The following ACADL variants were observed in gnomAD, a reference collection of about 807,000 sequenced individuals.
The protein encoded by ACADL is acyl-CoA dehydrogenase long chain.
A neutral mutation model predicts 56.9 loss-of-function variants in ACADL; 60 were observed. The observed-to-expected ratio is 1.05, with a 90% confidence interval of 0.86 to 1.31. The LOEUF (loss-of-function observed/expected upper bound fraction) is 1.31, where lower values mean the gene tolerates loss of function less well. ACADL is among the 50% of genes most tolerant of loss of function. The pLI is 0.00. For synonymous variants in ACADL, 158 were observed against 179.7 expected, an observed-to-expected ratio of 0.88 and a Z score of 0.97; for missense variants, 484 against 525.5, an observed-to-expected ratio of 0.92 and a Z score of 0.77.
intron 4 of ACADL, among the ~76,000 whole-genome samples, chr2:210,214,513 G>GAAAGAA (rs1559639988): frequency 1.1e-4 from 17 of 147,940 alleles, no homozygotes; most frequent in South Asian, 8.7e-4. Flanking sequence ...GAAAGAAAAA[G>GAAAGAA]AAAGAAAGAA....
Position 210,212,289 on chromosome 2 carries a change from A to G in ACADL, c.537-2027T>C, listed in dbSNP as rs184521803. ...ATGTTGTGATAGAGAGACTATCATG[A>G]ATTATCTGGATGAGCCCTAAATGCA... On this transcript the variant is annotated intron_variant, in intron 4 of 10. Transcript: ENST00000233710. Among the ~76,000 whole-genome samples, 260 of 152,292 alleles carry G rather than the reference A, an allele frequency of 1.7e-3. 4 individuals are homozygous for G. Among genetic ancestry groups the G allele is most frequent in the East Asian group, 5.8e-4 (3 of 5,188 alleles).
At chr2:210,216,282 C>T in intron 4 of ACADL, 65 bp downstream of exon 4, 5 of 1,567,858 alleles carry the variant, frequency 3.2e-6, no homozygotes, top group Non-Finnish European at 4.4e-6. Context: ...ATGTATTAAC[C>T]AAGTACTAAG....
At chr2:210,222,392 C>A (rs1177757808) in intron 1 of ACADL, among the ~76,000 whole-genome samples, 1 of 151,208 alleles carries the variant, frequency 6.6e-6, no homozygotes, top group East Asian at 1.9e-4. Context: ...CTTGGTGGCT[C>A]ACACCTGTAA....
chr2:210,195,572 C>T (rs1688697536), intron 8 of ACADL, among the ~76,000 whole-genome samples: 1 of 152,130 alleles, frequency 6.6e-6, no homozygotes, highest in African/African-American at 2.4e-5. Flanking sequence ...TAGTTTAAAA[C>T]ATAAACAATG....
At chr2:210,209,388 T>C (rs1480590827) in intron 5 of ACADL, among the ~76,000 whole-genome samples, 1 of 152,196 alleles carries the variant, frequency 6.6e-6, no homozygotes, top group Non-Finnish European at 1.5e-5. Flanking sequence ...TTTGCCCTCA[T>C]TGATATCAGA....
Position 210,224,019 on chromosome 2 carries a change from A to C in ACADL, c.77+1168T>G, listed in dbSNP as rs569375834. Among the ~76,000 whole-genome samples, 5 of 152,094 alleles carry C rather than the reference A, an allele frequency of 3.3e-5. No homozygotes were observed. The East Asian group carries it at 5.8e-4, about 18-fold the overall frequency. ...GAGGCGGGCAGATCACGAGGTCAGG[A>C]GTTTGAGCCCAGCCTGGTCAATATG... On this transcript the variant is annotated intron_variant, in intron 1 of 10. Coordinates refer to ENST00000233710, the MANE Select transcript of ACADL (RefSeq NM_001608.4).
In ACADL at chr2:210,224,734, C is replaced by T. The variant is rs534297202; in HGVS notation, c.77+453G>A. On this transcript the variant is annotated intron_variant, in intron 1 of 10. Coordinates refer to ENST00000233710, the MANE Select transcript of ACADL (RefSeq NM_001608.4). ...TGAGTCCGGGTCCCAAGTTCACTAC[C>T]GCGCGGCGAGTCTAAGCCGTGGGGA... 1.6e-5 allele frequency: 16 copies of T among 988,332 alleles called. No homozygotes were observed. In the South Asian group the frequency reaches 6.1e-4, roughly 38 times the overall value. The allele number at this position is 988,332 out of a possible 1,614,324, so 61.2% of individuals were successfully genotyped here. A position where few individuals can be genotyped will look rare whatever the true frequency, so the allele number is the denominator to read the frequency against.
chr2:210,216,419 T>G lies in ACADL; in HGVS notation c.464A>C (p.Lys155Thr). The stretch of plus-strand genomic sequence containing the variant: ...TGCAGTCATCTGGGGAATAAAGTGC[T>G]TAATCTGTTCTTCTGAGCCATGGTT... ...ITNHGSEEQI[K>T]HFIPQMTAGK... Residue 155 changes from lysine (K) to threonine (T), a missense_variant, in exon 4 of 11, where the codon AAG (lysine) becomes ACG (threonine). Transcript: ENST00000233710. The G allele has an allele frequency of 6.2e-7, 1 of 1,613,944 alleles. No individual in the cohort carries two copies. The highest frequency in any genetic ancestry group is 8.5e-7 in the Non-Finnish European group (1 of 1,179,848).
At chr2:210,200,150 A>C (rs903557264) in intron 8 of ACADL, among the ~76,000 whole-genome samples, 1 of 123,548 alleles carries the variant, frequency 8.1e-6, no homozygotes, top group Admixed American at 9.9e-5. Context: ...AGAAAATCAG[A>C]GTGATATCAA....
intron 4 of ACADL, among the ~76,000 whole-genome samples, chr2:210,214,382 T>C (rs778578107): frequency 3.3e-5 from 5 of 151,922 alleles, no homozygotes; most frequent in African/African-American, 4.8e-5. Context: ...TCTTATATTC[T>C]CTTACCCACA....
chr2:210,190,688 A>G (rs1202251659), intron 10 of ACADL, among the ~76,000 whole-genome samples: 2 of 152,102 alleles, frequency 1.3e-5, no homozygotes, highest in African/African-American at 4.8e-5. Context: ...CATGCTGAAG[A>G]CCAGTTATTA....
chr2:210,224,970 C>A (rs1689244592), intron 1 of ACADL: 1 of 1,379,552 alleles, frequency 7.2e-7, no homozygotes, highest in Non-Finnish European at 9.3e-7. Flanking sequence ...GTTCTCGGGG[C>A]GGCACGGCTG....
chr2:210,191,547 A>G (rs1559632119), intron 10 of ACADL, among the ~76,000 whole-genome samples: 1 of 152,210 alleles, frequency 6.6e-6, no homozygotes, highest in Non-Finnish European at 1.5e-5. Flanking sequence ...GAGCCACTAC[A>G]TAGCTTCTGT....
chr2:210,206,088 A>G (rs1159869051), intron 5 of ACADL, among the ~76,000 whole-genome samples: 1 of 152,126 alleles, frequency 6.6e-6, no homozygotes, highest in Non-Finnish European at 1.5e-5. Flanking sequence ...TTAAAAATGA[A>G]ACCAAATTGT....
intron 9 of ACADL, among the ~76,000 whole-genome samples, chr2:210,194,038 G>C (rs1360068296): frequency 6.6e-6 from 1 of 152,052 alleles, no homozygotes; most frequent in Non-Finnish European, 1.5e-5. Context: ...AAGTATTTTA[G>C]TGAAATATTT....
At chr2:210,217,873 ATTTGT>A (rs1689113103) in intron 3 of ACADL, 87 bp downstream of exon 3, 9 of 1,483,636 alleles carry the variant, frequency 6.1e-6, no homozygotes, top group South Asian at 5.7e-5. Context: ...ATTAGAAAAC[ATTTGT>A]TTGTTTGTTT....
At chr2:210,214,505 A>AAGAAAGAAAGAAAGAAAGAAAGAAAGAG (rs1451947089) in intron 4 of ACADL, among the ~76,000 whole-genome samples, 1 of 150,512 alleles carries the variant, frequency 6.6e-6, no homozygotes, top group African/African-American at 2.5e-5. Context: ...GAAAGAAAGA[A>AAGAAAGAAAGAAAGAAAGAAAGAAAGAG]AGAAAAAGAA....
At position 210,189,041 on chromosome 2, in the gene ACADL, C is replaced by T. The variant is rs1403820923; in HGVS notation, c.1213G>A (p.Ala405Thr). The T allele has an allele frequency of 3.7e-6, 6 of 1,610,868 alleles. No homozygotes were observed. The highest frequency in any genetic ancestry group is 1.7e-5 in the Admixed American group (1 of 60,004). ...CCACCATAGATTGGCTGAACTCTGGCATCCACATAAGCTCTGGATAAATCA... is the reference window on the plus strand; with the variant it reads ...CCACCATAGATTGGCTGAACTCTGGTATCCACATAAGCTCTGGATAAATCA... ...EYPIAKAYVD[A>T]RVQPIYGGTN... Residue 405 changes from alanine (A) to threonine (T), a missense_variant, in exon 11 of 11, where the codon GCC (alanine) becomes ACC (threonine). Coordinates refer to ENST00000233710, the MANE Select transcript of ACADL (RefSeq NM_001608.4).
rs142075408 is a variant in ACADL at position 210,194,655 on chromosome 2, C to A, written c.1112+556G>T. 5.3e-3 allele frequency among the ~76,000 whole-genome samples: 811 copies of A among 152,258 alleles called. 3 individuals carry two copies. The highest frequency in any genetic ancestry group is 9.5e-3 in the Non-Finnish European group (646 of 68,004). On this transcript the variant is annotated intron_variant, in intron 9 of 10. Coordinates refer to ENST00000233710, the MANE Select transcript of ACADL (RefSeq NM_001608.4). ...GCCTGTGAAACTTTGATTGGACAGC[C>A]AGTTCTTCCTGAATTTTTTCTTAAA... is the stretch of plus-strand genomic sequence containing the variant.
Sources: gnomAD v4.1 joint callset for allele counts (sites outside exome capture counted in the v4.1 genomes callset) on GRCh38, gnomAD v4.1.1 for gene constraint, MANE v1.5 for transcripts, NCBI Gene and HGNC (gene_info 2026-07-23, HGNC 2026-07-21) for gene names.